GRID2: variants seen among roughly 807,000 people sequenced by gnomAD.
GRID2 encodes the protein glutamate receptor ionotropic, delta-2.
In GRID2, 33 loss-of-function variants were observed where a neutral mutation model predicts 114.8. The observed-to-expected ratio is 0.29, with a 90% CI of 0.22 to 0.38. The LOEUF is 0.38. GRID2 is among the 10% of genes least tolerant of loss of function. The probability of loss-of-function intolerance (pLI) is 1.00; values close to 1 mark genes in which losing one functional copy is unlikely to be tolerated. For synonymous variants in GRID2, 505 were observed against 449.9 expected (o/e 1.12, Z -1.55); for missense variants, 1,184 against 1,257.7 (o/e 0.94, Z 0.89).
At chr4:93,790,895 A>G (rs1275976306) in intron 1 of GRID2, among the ~76,000 whole-genome samples, 1 of 152,208 alleles carries the variant, frequency 6.6e-6, no homozygotes, top group African/African-American at 2.4e-5. Flanking sequence ...GTAATAATAG[A>G]ACGTTTCTCA....
chr4:92,958,788 C>T (rs1052250633), intron 2 of GRID2, among the ~76,000 whole-genome samples: 15 of 151,894 alleles, frequency 9.9e-5, no homozygotes, highest in African/African-American at 3.1e-4. Context: ...ATGAGTGAAC[C>T]CATCTGGGCC....
At chr4:92,726,735 A>G (rs1046039574) in intron 2 of GRID2, among the ~76,000 whole-genome samples, 3 of 152,112 alleles carry the variant, frequency 2.0e-5, no homozygotes, top group African/African-American at 7.2e-5. Flanking sequence ...CAGTTAATCC[A>G]TATCGATTAA....
chr4:93,682,280 A>G (rs1725638661), intron 14 of GRID2, among the ~76,000 whole-genome samples: 2 of 149,290 alleles, frequency 1.3e-5, no homozygotes, highest in African/African-American at 4.9e-5. Flanking sequence ...GTCAGGAAAC[A>G]ACAGGTGCTG....
At chr4:92,356,178 A>C (rs543037900) in intron 1 of GRID2, among the ~76,000 whole-genome samples, 1 of 151,782 alleles carries the variant, frequency 6.6e-6, no homozygotes, top group East Asian at 1.9e-4. Flanking sequence ...ATAAAATTTT[A>C]TATAAAATGA....
chr4:92,596,891 G>A (rs1579651157), intron 2 of GRID2, among the ~76,000 whole-genome samples: 2 of 151,960 alleles, frequency 1.3e-5, no homozygotes, highest in East Asian at 3.9e-4. Flanking sequence ...AAAGAACACA[G>A]CATATAACTC....
chr4:92,434,984 A>G (rs1449804294), intron 1 of GRID2, among the ~76,000 whole-genome samples: 1 of 152,222 alleles, frequency 6.6e-6, no homozygotes, highest in Non-Finnish European at 1.5e-5. Context: ...TCTTACTTTT[A>G]TACTATGAAG....
At chr4:92,539,385 C>T (rs1213406388) in intron 1 of GRID2, among the ~76,000 whole-genome samples, 1 of 151,950 alleles carries the variant, frequency 6.6e-6, no homozygotes, top group Non-Finnish European at 1.5e-5. Context: ...ATGAGTAAAA[C>T]ATAGCATTTA....
At chr4:93,015,158 A>T (rs952482617) in intron 2 of GRID2, among the ~76,000 whole-genome samples, 1 of 152,120 alleles carries the variant, frequency 6.6e-6, no homozygotes, top group East Asian at 1.9e-4. Flanking sequence ...CTTCATTCTG[A>T]AAAAAAGGTA....
chr4:92,605,348 T>C (rs538241948), intron 2 of GRID2, among the ~76,000 whole-genome samples: 1 of 152,170 alleles, frequency 6.6e-6, no homozygotes, highest in Admixed American at 6.6e-5. Flanking sequence ...GTAGGATACT[T>C]CTTATTCACG....
intron 8 of GRID2, among the ~76,000 whole-genome samples, chr4:93,264,734 T>TA (rs1750620596): frequency 5.5e-5 from 5 of 90,988 alleles, no homozygotes; most frequent in African/African-American, 1.9e-4. Context: ...ATCATTTGAA[T>TA]TATATATATA....
At chr4:93,507,979 A>G (rs1728789430) in intron 12 of GRID2, among the ~76,000 whole-genome samples, 1 of 151,836 alleles carries the variant, frequency 6.6e-6, no homozygotes, top group African/African-American at 2.4e-5. Flanking sequence ...GGACACAGGA[A>G]GGGGAACATC....
chr4:92,936,046 T>TA lies in GRID2; in HGVS notation c.245-148941dup, dbSNP rs913756513. 3.0e-4 allele frequency among the ~76,000 whole-genome samples: 43 copies of TA among 144,436 alleles called. 3 individuals carry two copies. The highest frequency in any genetic ancestry group is 4.1e-4 in the Non-Finnish European group (27 of 65,172). 94.8% of individuals were successfully genotyped at this position (144,436 alleles called of 152,430 possible). ...AACTTAAAGTATAATAATAATAAAA[T>TA]AAAAAAAAGAAATTTAAATGCTGTC... On this transcript the variant is annotated intron_variant, in intron 2 of 15. Coordinates refer to ENST00000282020, the MANE Select transcript of GRID2 (RefSeq NM_001510.4).
At chr4:92,657,266 C>T (rs540171817) in intron 2 of GRID2, among the ~76,000 whole-genome samples, 1 of 151,718 alleles carries the variant, frequency 6.6e-6, no homozygotes, top group South Asian at 2.1e-4. Flanking sequence ...TCTTATTGTA[C>T]TTATTTGTGA....
chr4:93,659,841 C>T (rs1723329300), intron 14 of GRID2, among the ~76,000 whole-genome samples: 1 of 150,440 alleles, frequency 6.6e-6, no homozygotes, highest in East Asian at 1.9e-4. Flanking sequence ...AAAATCTCAT[C>T]AAGATATAAG....
At chr4:93,281,317 A>G (rs1752626759) in intron 8 of GRID2, among the ~76,000 whole-genome samples, 1 of 151,930 alleles carries the variant, frequency 6.6e-6, no homozygotes. Flanking sequence ...GTGGCCTAAG[A>G]AAAGTGTCCT....
intron 2 of GRID2, among the ~76,000 whole-genome samples, chr4:92,870,237 A>G (rs1373092521): frequency 1.3e-5 from 2 of 151,380 alleles, no homozygotes; most frequent in Non-Finnish European, 2.9e-5. Context: ...TCTATAAACT[A>G]TATATATAAT....
In GRID2 at chr4:93,419,980, T is replaced by C. The variant is rs534919054; in HGVS notation, c.1348-2791T>C. ...ATAATTAAATTCATAATTTTTTAAG[T>C]GTCATATCGAAGAGTGTTATTCAAC... is the stretch of plus-strand genomic sequence containing the variant. On this transcript the variant is annotated intron_variant, in intron 9 of 15. Transcript: ENST00000282020. Among the ~76,000 whole-genome samples, 18 of 152,252 alleles carry C rather than the reference T, an allele frequency of 1.2e-4. 1 individual carries two copies. Among genetic ancestry groups the C allele is most frequent in the African/African-American group, 3.8e-4 (16 of 41,568 alleles).
At chr4:93,632,543 T>C (rs1237264063) in intron 14 of GRID2, among the ~76,000 whole-genome samples, 1 of 152,184 alleles carries the variant, frequency 6.6e-6, no homozygotes, top group African/African-American at 2.4e-5. Flanking sequence ...GTGGTATTAT[T>C]TCTGAGCGCT....
At chr4:92,345,437 C>T (rs192745290) in intron 1 of GRID2, among the ~76,000 whole-genome samples, 1 of 152,262 alleles carries the variant, frequency 6.6e-6, no homozygotes, top group East Asian at 1.9e-4. Flanking sequence ...CTGTCTTTTT[C>T]ATATAGTGAC....
Sources: gnomAD v4.1 joint callset for allele counts (sites outside exome capture counted in the v4.1 genomes callset) on GRCh38, gnomAD v4.1.1 for gene constraint, MANE v1.5 for transcripts, NCBI Gene and HGNC (gene_info 2026-07-23, HGNC 2026-07-21) for gene names.